CLEC17A: variants seen among roughly 807,000 people sequenced by gnomAD.
CLEC17A encodes the protein C-type lectin domain containing 17A, also known as C-type lectin domain family 17, member A.
In CLEC17A, 37 loss-of-function variants were observed where a neutral mutation model predicts 61.3. The observed-to-expected ratio is 0.60, with a 90% CI of 0.46 to 0.79. The LOEUF (loss-of-function observed/expected upper bound fraction) is 0.79. Ranked by LOEUF, CLEC17A falls within the 30% of genes least tolerant of loss-of-function variation. The probability of loss-of-function intolerance (pLI) is 0.00; values close to 1 mark genes in which losing one functional copy is unlikely to be tolerated. For synonymous variants in CLEC17A, 168 were observed against 164.9 expected, an observed-to-expected ratio of 1.02 and a Z score of -0.14; for missense variants, 418 against 464.7, an observed-to-expected ratio of 0.90 and a Z score of 0.92.
intron 8 of CLEC17A, among the ~76,000 whole-genome samples, chr19:14,595,925 G>GTGGAAGTAGTGATGGTGT (rs2074534835): frequency 3.9e-4 from 1 of 2,582 alleles, no homozygotes; most frequent in Non-Finnish European, 9.1e-4. Context: ...GGTGGTGATG[G>GTGGAAGTAGTGATGGTGT]TGTTGGTGAT....
chr19:14,602,223 A>G (rs1265799144), intron 12 of CLEC17A, among the ~76,000 whole-genome samples: 1 of 151,450 alleles, frequency 6.6e-6, no homozygotes, highest in Non-Finnish European at 1.5e-5. Context: ...CAGACAGTAT[A>G]TAGTTGGGTT....
chr19:14,601,045 G>A (rs941058728), intron 12 of CLEC17A, among the ~76,000 whole-genome samples: 18 of 151,914 alleles, frequency 1.2e-4, no homozygotes, highest in African/African-American at 4.4e-4. Context: ...TGGGATTGCA[G>A]GCATGTGCCA....
chr19:14,600,225 C>T, intron 12 of CLEC17A, 43 bp downstream of exon 12: 1 of 1,601,718 alleles, frequency 6.2e-7, no homozygotes, highest in Non-Finnish European at 8.5e-7. Flanking sequence ...TCAGGGACAG[C>T]CTGCTTCTCT....
At chr19:14,584,597 T>C (rs1343583945) in intron 2 of CLEC17A, among the ~76,000 whole-genome samples, 1 of 151,960 alleles carries the variant, frequency 6.6e-6, no homozygotes, top group Non-Finnish European at 1.5e-5. Flanking sequence ...GAGTCCAAAG[T>C]GGGGCCACCT....
At chr19:14,609,995 A>G (rs1157583672) in intron 13 of CLEC17A, 69 bp from the exon 14 acceptor site, 4 of 1,135,370 alleles carry the variant, frequency 3.5e-6, no homozygotes, top group Non-Finnish European at 4.0e-6. Context: ...TCATCATTAC[A>G]GTATTATACA....
At chr19:14,585,904 C>G (rs925834297) in intron 2 of CLEC17A, among the ~76,000 whole-genome samples, 4 of 149,646 alleles carry the variant, frequency 2.7e-5, no homozygotes, top group Non-Finnish European at 5.9e-5. Context: ...CCATAGATAA[C>G]TGACCCAGTG....
At position 14,595,254 on chromosome 19, in the gene CLEC17A, T is replaced by G. The variant is rs758663172; in HGVS notation, c.404-20T>G. On this transcript the variant is annotated intron_variant, in intron 7 of 13. Coordinates refer to ENST00000417570, the MANE Select transcript of CLEC17A (RefSeq NM_001204118.2). ...GTCTTTGGCATCTTCTGAATAAACC[T>G]CTCTCCCCCTTTCTCCCAGCTGTGA... 1 of 1,613,702 alleles carries G rather than the reference T, an allele frequency of 6.2e-7. No individual in the cohort carries two copies.
At position 14,611,911 on chromosome 19, in the gene CLEC17A, C is replaced by T. The variant is rs572950351; in HGVS notation, c.*1715C>T. 5.3e-5 allele frequency among the ~76,000 whole-genome samples: 8 copies of T among 152,150 alleles called. No homozygotes were observed. Among genetic ancestry groups the T allele is most frequent in the Admixed American group, 6.5e-5 (1 of 15,274 alleles). The stretch of plus-strand genomic sequence containing the variant: ...CCCAGCTACTCAGGAGACTAAGGCA[C>T]GAGAATTGCTTGAACCCAGGAGGCG... On this transcript the variant is annotated 3_prime_UTR_variant, in exon 14 of 14. Transcript: ENST00000417570.
At chr19:14,588,333 A>AG (rs2074336039) in intron 3 of CLEC17A, 1 of 151,800 alleles carries the variant, frequency 6.6e-6, no homozygotes, top group Non-Finnish European at 1.5e-5. Context: ...GCCAAAAAAA[A>AG]AAAAAAAACA....
chr19:14,588,092 T>C (rs898759070), intron 3 of CLEC17A, among the ~76,000 whole-genome samples: 5 of 152,020 alleles, frequency 3.3e-5, no homozygotes, highest in African/African-American at 9.7e-5. Flanking sequence ...GGGCTCCCAA[T>C]CTCCTCACCT....
Position 14,610,341 on chromosome 19 carries a change from C to A in CLEC17A, c.*145C>A, listed in dbSNP as rs2075017596. 1 of 1,134,142 alleles carries A rather than the reference C, an allele frequency of 8.8e-7. No individual in the cohort carries two copies. The highest frequency in any genetic ancestry group is 1.2e-6 in the Non-Finnish European group (1 of 810,104). The allele number at this position is 1,134,142 out of a possible 1,614,324, so 70.3% of individuals were successfully genotyped here. A position where few individuals can be genotyped will look rare whatever the true frequency, so the allele number is the denominator to read the frequency against. On this transcript the variant is annotated 3_prime_UTR_variant, in exon 14 of 14. Coordinates refer to ENST00000417570, the MANE Select transcript of CLEC17A (RefSeq NM_001204118.2). ...ATTGGCACCCTGGATGCAGCAAGTT[C>A]CCAGGGGTGCAAGTCAGGCTGTTTC... is the stretch of plus-strand genomic sequence containing the variant.
intron 10 of CLEC17A, among the ~76,000 whole-genome samples, chr19:14,599,208 C>T (rs1006628532): frequency 6.6e-6 from 1 of 150,486 alleles, no homozygotes; most frequent in Non-Finnish European, 1.5e-5. Flanking sequence ...CTGCCTCAGC[C>T]TCCTGAGTAG....
intron 7 of CLEC17A, 143 bp from the exon 8 acceptor site, chr19:14,595,131 G>T (rs1054184247): frequency 1.1e-6 from 1 of 939,880 alleles, no homozygotes; most frequent in Non-Finnish European, 1.7e-6. Context: ...CTCAGCCTCC[G>T]ACAGTGCTGG....
chr19:14,593,566 G>A (rs373037022), intron 4 of CLEC17A, among the ~76,000 whole-genome samples: 1 of 152,178 alleles, frequency 6.6e-6, no homozygotes, highest in East Asian at 1.9e-4. Flanking sequence ...GGAGGCCGAG[G>A]TGGTAGGATT....
At chr19:14,609,868 C>A (rs1459438845) in intron 13 of CLEC17A, among the ~76,000 whole-genome samples, 196 bp from the exon 14 acceptor site, 1 of 146,100 alleles carries the variant, frequency 6.8e-6, no homozygotes, top group Non-Finnish European at 1.5e-5. Flanking sequence ...CAAAAAACCC[C>A]CCAAAACCAG....
rs1427599703 is a variant in CLEC17A, at chr19:14,610,828, A to G, written c.*632A>G. 6.6e-6 allele frequency: 1 copy of G among 151,928 alleles called. No individual in the cohort carries two copies. Among genetic ancestry groups the G allele is most frequent in the African/African-American group, 2.4e-5 (1 of 41,314 alleles). 9.4% of individuals were successfully genotyped at this position (151,928 alleles called of 1,614,324 possible). On this transcript the variant is annotated 3_prime_UTR_variant, in exon 14 of 14. Coordinates refer to ENST00000417570, the MANE Select transcript of CLEC17A (RefSeq NM_001204118.2). ...GAGCCACTGTGCCTGGCTCAAAATT[A>G]TTATTATTATTTTTATAGAGATGAG...
intron 10 of CLEC17A, 109 bp downstream of exon 10, chr19:14,597,270 T>G: frequency 3.1e-6 from 3 of 981,228 alleles, no homozygotes; most frequent in Non-Finnish European, 4.7e-6. Flanking sequence ...GGCACTGTGC[T>G]AGGTACCAGG....
chr19:14,597,653 T>C (rs532646456), intron 10 of CLEC17A, among the ~76,000 whole-genome samples: 15 of 152,302 alleles, frequency 9.8e-5, no homozygotes, highest in African/African-American at 3.4e-4. Flanking sequence ...TGGGAGGATC[T>C]CCTGAATCAG....
At chr19:14,605,585 C>G (rs1198975763) in intron 12 of CLEC17A, among the ~76,000 whole-genome samples, 1 of 152,088 alleles carries the variant, frequency 6.6e-6, no homozygotes, top group South Asian at 2.1e-4. Context: ...TTTTCATATC[C>G]TTTTTCTAGT....
Sources: allele counts gnomAD v4.1 joint callset (sites outside exome capture counted in the v4.1 genomes callset), GRCh38; gene constraint gnomAD v4.1.1; transcripts MANE v1.5; gene names NCBI Gene and HGNC (gene_info 2026-07-23, HGNC 2026-07-21).